CAMKMT: variants seen among roughly 807,000 people sequenced by gnomAD.
The protein encoded by CAMKMT is calmodulin-lysine N-methyltransferase.
A neutral mutation model predicts 48.0 loss-of-function variants in CAMKMT; 53 were observed. The ratio of observed to expected loss-of-function variants is 1.10; its 90% confidence interval spans 0.89 to 1.39. The LOEUF is 1.39. CAMKMT is among the 40% of genes most tolerant of loss of function. CAMKMT has a pLI of 0.00. For missense variants in CAMKMT, 428 were observed against 402.7 expected, an observed-to-expected ratio of 1.06 and a Z score of -0.54; for synonymous variants, 165 against 152.3, an observed-to-expected ratio of 1.08 and a Z score of -0.61.
intron 3 of CAMKMT, among the ~76,000 whole-genome samples, chr2:44,669,564 A>G (rs1326880470): frequency 6.6e-6 from 1 of 152,224 alleles, no homozygotes; most frequent in East Asian, 1.9e-4. Context: ...ATGTTTGTCA[A>G]AACTTGGTGC....
chr2:44,575,905 C>G (rs1669190376), intron 3 of CAMKMT, among the ~76,000 whole-genome samples: 1 of 151,974 alleles, frequency 6.6e-6, no homozygotes, highest in Non-Finnish European at 1.5e-5. Context: ...GAGTGAGACT[C>G]TAAGGTAGCC....
At chr2:44,714,479 T>A (rs1382496950) in intron 6 of CAMKMT, among the ~76,000 whole-genome samples, 1 of 152,222 alleles carries the variant, frequency 6.6e-6, no homozygotes, top group Admixed American at 6.5e-5. Flanking sequence ...AGGGGACTTT[T>A]CACTCAACTG....
chr2:44,523,506 G>C (rs953191547), intron 3 of CAMKMT, among the ~76,000 whole-genome samples: 1 of 151,780 alleles, frequency 6.6e-6, no homozygotes, highest in African/African-American at 2.4e-5. Flanking sequence ...TGTTGGCCAG[G>C]CTGGTCTTGA....
At chr2:44,757,329 A>G (rs984049618) in intron 9 of CAMKMT, among the ~76,000 whole-genome samples, 6 of 152,184 alleles carry the variant, frequency 3.9e-5, no homozygotes, top group African/African-American at 7.2e-5. Flanking sequence ...ATAGAGTTCT[A>G]TCAGCTCTGA....
intron 3 of CAMKMT, among the ~76,000 whole-genome samples, chr2:44,594,684 T>C (rs1221342675): frequency 6.6e-6 from 1 of 152,084 alleles, no homozygotes; most frequent in African/African-American, 2.4e-5. Flanking sequence ...AAGACTTAAA[T>C]GTAAGACCTA....
intron 3 of CAMKMT, among the ~76,000 whole-genome samples, chr2:44,471,700 C>T (rs1347234157): frequency 1.3e-5 from 2 of 152,120 alleles, no homozygotes; most frequent in Admixed American, 6.5e-5. Flanking sequence ...TGAGTCAAAT[C>T]ACTCTTCTCT....
chr2:44,367,281 C>CA (rs1459119838), intron 1 of CAMKMT, among the ~76,000 whole-genome samples: 1 of 151,994 alleles, frequency 6.6e-6, no homozygotes, highest in African/African-American at 2.4e-5. Flanking sequence ...ATCCCTAATA[C>CA]AAAAATTAAA....
intron 3 of CAMKMT, among the ~76,000 whole-genome samples, chr2:44,578,719 G>A (rs1402489218): frequency 6.6e-6 from 1 of 152,130 alleles, no homozygotes; most frequent in Non-Finnish European, 1.5e-5. Context: ...ATATCTTAGG[G>A]TTGTGAGTCA....
intron 7 of CAMKMT, among the ~76,000 whole-genome samples, chr2:44,736,360 A>C (rs1368476755): frequency 1.3e-5 from 2 of 152,128 alleles, no homozygotes; most frequent in Non-Finnish European, 2.9e-5. Flanking sequence ...TCTAACTTGC[A>C]TATTCCTCAC....
intron 3 of CAMKMT, among the ~76,000 whole-genome samples, chr2:44,496,353 T>G (rs1669751500): frequency 6.6e-6 from 1 of 152,068 alleles, no homozygotes; most frequent in South Asian, 2.1e-4. Context: ...GTCTAGGGAG[T>G]GAAGGTTAAA....
chr2:44,408,575 G>A (rs1451749636), intron 3 of CAMKMT, among the ~76,000 whole-genome samples: 1 of 151,916 alleles, frequency 6.6e-6, no homozygotes, highest in Non-Finnish European at 1.5e-5. Flanking sequence ...GTTGCTCAAG[G>A]CCACTCAGCT....
intron 1 of CAMKMT, among the ~76,000 whole-genome samples, chr2:44,367,127 T>C (rs1678680732): frequency 6.6e-6 from 1 of 152,178 alleles, no homozygotes; most frequent in African/African-American, 2.4e-5. Context: ...CATATATAAA[T>C]ATAGGGATTC....
In CAMKMT at chr2:44,578,461, T is replaced by C. The variant is rs546979195; in HGVS notation, c.377-125822T>C. On this transcript the variant is annotated intron_variant, in intron 3 of 10. Transcript: ENST00000378494. ...CCCTTATTTGAGTGTAGATCTGCGA[T>C]CTTCAGCCTCATATGGCAGGTTGTA... Among the ~76,000 whole-genome samples, 234 of 104,294 alleles carry C rather than the reference T, an allele frequency of 2.2e-3. 1 individual carries two copies. Among genetic ancestry groups the C allele is most frequent in the Middle Eastern group, 6.8e-3 (1 of 146 alleles). 68.4% of individuals were successfully genotyped at this position (104,294 alleles called of 152,430 possible). A position where few individuals can be genotyped will look rare whatever the true frequency, so the allele number is the denominator to read the frequency against.
intron 3 of CAMKMT, among the ~76,000 whole-genome samples, chr2:44,652,003 G>A (rs1674098150): frequency 6.6e-6 from 1 of 152,168 alleles, no homozygotes; most frequent in Non-Finnish European, 1.5e-5. Context: ...TTTTAATACA[G>A]TATATGTGCA....
At chr2:44,636,114 G>T (rs1019654397) in intron 3 of CAMKMT, among the ~76,000 whole-genome samples, 1 of 152,108 alleles carries the variant, frequency 6.6e-6, no homozygotes, top group Non-Finnish European at 1.5e-5. Context: ...ATAAACTTTG[G>T]CAAATTACTT....
rs534562077 is a variant in CAMKMT at position 44,577,503 on chromosome 2, C to T, written c.377-126780C>T. 2.0e-5 allele frequency among the ~76,000 whole-genome samples: 3 copies of T among 152,224 alleles called. No homozygotes were observed. In the East Asian group the frequency reaches 5.8e-4, roughly 29 times the overall value. On this transcript the variant is annotated intron_variant, in intron 3 of 10. Transcript: ENST00000378494. Reference sequence around the variant, plus strand: ...GTGTGGTAGTACATGCCTATAGTGGCAGCTACCTGGGAGGCTGAGATGGGA... The same window carrying T: ...GTGTGGTAGTACATGCCTATAGTGGTAGCTACCTGGGAGGCTGAGATGGGA...
chr2:44,620,215 T>C (rs1461264397), intron 3 of CAMKMT, among the ~76,000 whole-genome samples: 1 of 152,196 alleles, frequency 6.6e-6, no homozygotes, highest in Non-Finnish European at 1.5e-5. Context: ...ATAGATTTTT[T>C]CTAAACACAC....
chr2:44,562,715 C>CACACCCAGCTA (rs928498400), intron 3 of CAMKMT, among the ~76,000 whole-genome samples: 1 of 152,182 alleles, frequency 6.6e-6, no homozygotes, highest in African/African-American at 2.4e-5. Flanking sequence ...TGCCTGCCAC[C>CACACCCAGCTA]ACACCCAGCT....
At chr2:44,587,987 A>G (rs1669974877) in intron 3 of CAMKMT, among the ~76,000 whole-genome samples, 1 of 133,456 alleles carries the variant, frequency 7.5e-6, no homozygotes, top group Non-Finnish European at 1.6e-5. Flanking sequence ...CAGTCTGGAA[A>G]GTGAGGAGCG....
Sources: allele counts gnomAD v4.1 joint callset (sites outside exome capture counted in the v4.1 genomes callset), GRCh38; gene constraint gnomAD v4.1.1; transcripts MANE v1.5; gene names NCBI Gene and HGNC (gene_info 2026-07-23, HGNC 2026-07-21).